TMCC1: variants seen among roughly 807,000 people sequenced by gnomAD.
The protein encoded by TMCC1 is transmembrane and coiled-coil domains protein 1.
In TMCC1, 15 loss-of-function variants were observed where a neutral mutation model predicts 52.4. The ratio of observed to expected loss-of-function variants is 0.29; its 90% CI spans 0.19 to 0.44. The LOEUF is 0.44. Ranked by LOEUF, TMCC1 falls within the 20% of genes least tolerant of loss-of-function variation. The pLI is 1.00. For synonymous variants in TMCC1, 279 were observed against 301.9 expected, an observed-to-expected ratio of 0.92 and a Z score of 0.79; for missense variants, 503 against 806.0, an observed-to-expected ratio of 0.62 and a Z score of 4.55.
At chr3:129,757,825 A>G (rs796203317) in intron 4 of TMCC1, among the ~76,000 whole-genome samples, 8 of 152,016 alleles carry the variant, frequency 5.3e-5, no homozygotes, top group African/African-American at 1.9e-4. Flanking sequence ...GAGAAATTCC[A>G]TCTTAAAAAT....
intron 4 of TMCC1, among the ~76,000 whole-genome samples, chr3:129,744,554 G>A (rs1012262483): frequency 6.6e-6 from 1 of 152,070 alleles, no homozygotes; most frequent in Admixed American, 6.6e-5. Flanking sequence ...TCAAGCAGCT[G>A]GAACTACAAG....
chr3:129,670,139 C>T (rs570853182), intron 5 of TMCC1, among the ~76,000 whole-genome samples, 191 bp downstream of exon 5: 3 of 152,248 alleles, frequency 2.0e-5, no homozygotes, highest in Admixed American at 2.0e-4. Flanking sequence ...TTTTAAAGTT[C>T]TAAACTGGCA....
intron 4 of TMCC1, among the ~76,000 whole-genome samples, chr3:129,702,889 G>A (rs1024881698): frequency 1.3e-5 from 2 of 152,126 alleles, no homozygotes; most frequent in Admixed American, 6.5e-5. Flanking sequence ...GATAGCGTGC[G>A]CCTGTAATCT....
chr3:129,672,325 C>T (rs2108891954), intron 4 of TMCC1, among the ~76,000 whole-genome samples: 1 of 152,274 alleles, frequency 6.6e-6, no homozygotes, highest in South Asian at 2.1e-4. Context: ...TGGCCAGGCA[C>T]AGTGGCTCAC....
intron 4 of TMCC1, among the ~76,000 whole-genome samples, chr3:129,732,361 G>T (rs1035764031): frequency 1.3e-5 from 2 of 152,030 alleles, no homozygotes; most frequent in African/African-American, 4.8e-5. Flanking sequence ...GTGCTTTTTG[G>T]ATCTGTCCCA....
At chr3:129,785,600 CAT>C (rs201326433) in intron 4 of TMCC1, among the ~76,000 whole-genome samples, 5 of 146,844 alleles carry the variant, frequency 3.4e-5, no homozygotes, top group African/African-American at 9.9e-5. Context: ...CACACACACA[CAT>C]ACACACACAC....
At chr3:129,778,014 T>G (rs559746897) in intron 4 of TMCC1, among the ~76,000 whole-genome samples, 1 of 152,176 alleles carries the variant, frequency 6.6e-6, no homozygotes, top group Non-Finnish European at 1.5e-5. Context: ...GCCTAAACTC[T>G]AGTGATCAAG....
intron 1 of TMCC1, among the ~76,000 whole-genome samples, chr3:129,885,111 C>T (rs2061632577): frequency 6.6e-6 from 1 of 151,796 alleles, no homozygotes; most frequent in African/African-American, 2.4e-5. Context: ...TGCACTCCAG[C>T]CTGGGTGACA....
chr3:129,818,741 T>G (rs944681921), intron 4 of TMCC1, among the ~76,000 whole-genome samples: 10 of 152,180 alleles, frequency 6.6e-5, no homozygotes, highest in African/African-American at 2.4e-4. Flanking sequence ...GAAGGGCTAA[T>G]AAATGACTGA....
chr3:129,840,685 A>G (rs1560525489), intron 2 of TMCC1, among the ~76,000 whole-genome samples: 1 of 152,296 alleles, frequency 6.6e-6, no homozygotes, highest in Admixed American at 6.5e-5. Flanking sequence ...TGATTGTTTA[A>G]AAGTATGTGA....
intron 6 of TMCC1, among the ~76,000 whole-genome samples, chr3:129,653,757 A>AT (rs1393271671): frequency 1.3e-5 from 2 of 152,120 alleles, no homozygotes; most frequent in Non-Finnish European, 2.9e-5. Context: ...TGTTCTTGCT[A>AT]TTTTTTAACT....
intron 4 of TMCC1, among the ~76,000 whole-genome samples, chr3:129,711,320 ACAT>A (rs2048666699): frequency 6.6e-6 from 1 of 152,226 alleles, no homozygotes; most frequent in South Asian, 2.1e-4. Context: ...GTCTATGTGA[ACAT>A]CATCATTTAA....
rs2049907002 is a variant in TMCC1, at chr3:129,724,320, A to G, written c.577-53056T>C. ...ACAGGCAGCTCAAAAGTTTAATGGT[A>G]GAAAAGAACTTTTCTCCTTGACCCT... On this transcript the variant is annotated intron_variant, in intron 4 of 6. Coordinates refer to ENST00000393238, the MANE Select transcript of TMCC1 (RefSeq NM_001017395.5). Among the ~76,000 whole-genome samples, 3 of 152,228 alleles carry G rather than the reference A, an allele frequency of 2.0e-5. No homozygotes were observed. In the South Asian group the frequency reaches 6.2e-4, roughly 32 times the overall value.
intron 4 of TMCC1, among the ~76,000 whole-genome samples, chr3:129,729,822 G>A (rs186802130): frequency 9.9e-4 from 150 of 151,268 alleles, no homozygotes; most frequent in African/African-American, 3.4e-3. Flanking sequence ...TCATAAAAAG[G>A]AATGAGGCCA....
chr3:129,872,273 G>C (rs938105394), intron 2 of TMCC1, among the ~76,000 whole-genome samples: 1 of 152,002 alleles, frequency 6.6e-6, no homozygotes, highest in Non-Finnish European at 1.5e-5. Context: ...TGGAGTGAGG[G>C]GCAGCACTAT....
intron 4 of TMCC1, among the ~76,000 whole-genome samples, chr3:129,785,775 AAG>A (rs1044373125): frequency 1.4e-4 from 21 of 152,148 alleles, no homozygotes; most frequent in Non-Finnish European, 2.8e-4. Flanking sequence ...TATTACTTAG[AAG>A]AGAGTTTCCT....
intron 2 of TMCC1, among the ~76,000 whole-genome samples, chr3:129,867,604 G>A (rs1300336987): frequency 6.6e-6 from 1 of 152,098 alleles, no homozygotes; most frequent in East Asian, 1.9e-4. Flanking sequence ...ACCTGGTGTG[G>A]GTAGAAAATC....
intron 2 of TMCC1, among the ~76,000 whole-genome samples, chr3:129,872,904 T>C (rs1415261708): frequency 2.6e-5 from 4 of 152,072 alleles, no homozygotes; most frequent in African/African-American, 9.7e-5. Context: ...ATATATTTTG[T>C]CTACGCATGG....
intron 4 of TMCC1, among the ~76,000 whole-genome samples, chr3:129,773,329 C>T (rs1009186506): frequency 1.3e-5 from 2 of 151,820 alleles, no homozygotes; most frequent in African/African-American, 2.4e-5. Flanking sequence ...TGTGGGAAGG[C>T]GAAGGGGGGT....
Sources: allele counts gnomAD v4.1 joint callset (sites outside exome capture counted in the v4.1 genomes callset), GRCh38; gene constraint gnomAD v4.1.1; transcripts MANE v1.5; gene names NCBI Gene and HGNC (gene_info 2026-07-23, HGNC 2026-07-21).